The following IFT81 variants were observed in gnomAD, a reference collection of about 807,000 sequenced individuals.
The protein encoded by IFT81 is intraflagellar transport protein 81 homolog.
A neutral mutation model predicts 102.6 loss-of-function variants in IFT81; 72 were observed. That is an observed-to-expected ratio of 0.70 (90% CI 0.58 to 0.85). The LOEUF is 0.85. Ranked by LOEUF, IFT81 falls within the 40% of genes least tolerant of loss-of-function variation. The pLI is 0.00. For missense variants in IFT81, 723 were observed against 787.3 expected, an observed-to-expected ratio of 0.92 and a Z score of 0.98; for synonymous variants, 237 against 242.7, an observed-to-expected ratio of 0.98 and a Z score of 0.22.
chr12:110,152,137 T>C (rs1418257037), intron 10 of IFT81, among the ~76,000 whole-genome samples: 3 of 152,220 alleles, frequency 2.0e-5, no homozygotes, highest in Non-Finnish European at 4.4e-5. Context: ...ATCTCTTAAA[T>C]ATACTGATTT....
chr12:110,143,718 C>G (rs1242894237), intron 9 of IFT81, among the ~76,000 whole-genome samples, 173 bp downstream of exon 9: 2 of 152,070 alleles, frequency 1.3e-5, no homozygotes, highest in South Asian at 2.1e-4. Context: ...GAATGTTATG[C>G]TATTACTTAA....
At chr12:110,184,879 A>G (rs150445685) in intron 12 of IFT81, among the ~76,000 whole-genome samples, 18 of 152,176 alleles carry the variant, frequency 1.2e-4, no homozygotes, top group Non-Finnish European at 2.6e-4. Context: ...AAACATGATG[A>G]TGGACCCAGA....
chr12:110,190,964 C>T lies in IFT81; in HGVS notation c.1383C>T (p.Thr461=). 1.9e-6 allele frequency: 3 copies of T among 1,604,668 alleles called. No homozygotes were observed. Among genetic ancestry groups the T allele is most frequent in the Non-Finnish European group, 2.6e-6 (3 of 1,175,788 alleles). Reference sequence around the variant, plus strand: ...AGGGTATATCTGGATATAGTTACACCCAAGAAGAGCTAGAAAGAGTATCTG... The same window carrying T: ...AGGGTATATCTGGATATAGTTACACTCAAGAAGAGCTAGAAAGAGTATCTG... The part of the protein sequence containing the change: ...EKKGISGYSY[T]QEELERVSAL... The change falls in exon 13 of 19, where the codon ACC becomes ACT. Residue 461 remains threonine (T), a synonymous_variant. Coordinates refer to ENST00000242591, the MANE Select transcript of IFT81 (RefSeq NM_014055.4).
At chr12:110,125,233 A>T (rs563578435) in intron 1 of IFT81, among the ~76,000 whole-genome samples, 26 of 151,882 alleles carry the variant, frequency 1.7e-4, no homozygotes, top group African/African-American at 4.3e-4. Context: ...TATGGATTTT[A>T]AAAAAAAACT....
In IFT81 at chr12:110,153,400, A is replaced by G. The variant is rs574460386; in HGVS notation, c.1041+6352A>G. On this transcript the variant is annotated intron_variant, in intron 10 of 18. Coordinates refer to ENST00000242591, the MANE Select transcript of IFT81 (RefSeq NM_014055.4). ...CAGGCATGCACCACCATGCCAGCTA[A>G]TTTTTTATTTTTAGTAGACACAGGG... Among the ~76,000 whole-genome samples the G allele has an allele frequency of 8.9e-4, 134 of 149,876 alleles. 1 individual carries two copies. Among genetic ancestry groups the G allele is most frequent in the Non-Finnish European group, 4.0e-4 (27 of 67,470 alleles).
In IFT81 at chr12:110,136,745, A is replaced by G. The variant is rs747914892; in HGVS notation, c.697-31A>G. ...GTGAGAGGTAAGCTTCAGTAGACTA[A>G]GCAAGTAATCTATTTAATTGTATTT... On this transcript the variant is annotated intron_variant, in intron 7 of 18. Transcript: ENST00000242591. The G allele has an allele frequency of 4.3e-6, 6 of 1,382,948 alleles. No individual in the cohort carries two copies. In the East Asian group the frequency reaches 1.4e-4, roughly 32 times the overall value. The allele number at this position is 1,382,948 out of a possible 1,614,324, so 85.7% of individuals were successfully genotyped here.
intron 14 of IFT81, among the ~76,000 whole-genome samples, chr12:110,201,233 T>C (rs1274996059): frequency 6.6e-6 from 1 of 151,672 alleles, no homozygotes; most frequent in Admixed American, 6.6e-5. Context: ...TGAAACCTTG[T>C]CTCTACTAAA....
rs557973551 is a variant in IFT81, at chr12:110,172,302, GCCTCTGCCTCCTCTGCCT to G, written c.1189-8100_1189-8083del. On this transcript the variant is annotated intron_variant, in intron 11 of 18. Transcript: ENST00000242591. Reference sequence around the variant, plus strand: ...AAAATTTGCCTCTGCCTCTGCCTCTGCCTCTGCCTCCTCTGCCTCCTCTGCCTCCTCTGCCTCTGCCTC... The same window carrying G: ...AAAATTTGCCTCTGCCTCTGCCTCTGCCTCTGCCTCCTCTGCCTCTGCCTC... Among the ~76,000 whole-genome samples the G allele has an allele frequency of 5.9e-5, 9 of 151,734 alleles. 1 individual carries two copies. The South Asian group carries it at 1.7e-3, about 28-fold the overall frequency.
At chr12:110,177,987 C>T (rs913728312) in intron 11 of IFT81, among the ~76,000 whole-genome samples, 9 of 150,022 alleles carry the variant, frequency 6.0e-5, no homozygotes, top group Non-Finnish European at 8.9e-5. Flanking sequence ...CCCAGCTACC[C>T]GGGAGGCCGA....
intron 12 of IFT81, 51 bp from the exon 13 acceptor site, chr12:110,190,869 A>G: frequency 2.1e-6 from 3 of 1,441,128 alleles, no homozygotes; most frequent in Non-Finnish European, 2.7e-6. Flanking sequence ...TTCTTATGGG[A>G]GCCAGCAAGA....
At chr12:110,208,842 A>G (rs1869030525) in intron 17 of IFT81, among the ~76,000 whole-genome samples, 1 of 152,236 alleles carries the variant, frequency 6.6e-6, no homozygotes, top group Non-Finnish European at 1.5e-5. Context: ...TCCTTTCTAC[A>G]AACCTCTTCA....
chr12:110,149,503 C>T (rs1895402294), intron 10 of IFT81, among the ~76,000 whole-genome samples: 1 of 152,190 alleles, frequency 6.6e-6, no homozygotes, highest in Non-Finnish European at 1.5e-5. Context: ...ATCACAAGGA[C>T]AGAGGGCTTT....
intron 14 of IFT81, among the ~76,000 whole-genome samples, chr12:110,193,672 A>G (rs1897888794): frequency 6.6e-6 from 1 of 152,228 alleles, no homozygotes; most frequent in South Asian, 2.1e-4. Flanking sequence ...GACACTTTCA[A>G]AGAGCAGGAA....
intron 10 of IFT81, among the ~76,000 whole-genome samples, chr12:110,147,459 A>G (rs1471614544): frequency 1.3e-5 from 2 of 152,314 alleles, no homozygotes; most frequent in East Asian, 3.9e-4. Context: ...TTAGTGCTAA[A>G]GCATTTATTA....
In IFT81 at chr12:110,134,970, A is replaced by T; in HGVS notation, c.542A>T (p.Glu181Val). Residue 181 changes from glutamate (E) to valine (V), a missense_variant, in exon 6 of 19, where the codon GAA becomes GTA. Physicochemically the swap from Glu to Val is moderately radical, Grantham distance 121. Transcript: ENST00000242591. ...TAGGATATCAGTGCAATGGAAGAAG[A>T]AAAGGATCAGCTCATTAAGAGAGTT... ...IRKDISAMEE[E>V]KDQLIKRVEH... The T allele has an allele frequency of 6.2e-7, 1 of 1,611,370 alleles. No individual in the cohort carries two copies. The highest frequency in any genetic ancestry group is 2.2e-5 in the East Asian group (1 of 44,826).
At chr12:110,206,788 G>GT (rs890697427) in intron 17 of IFT81, among the ~76,000 whole-genome samples, 13 of 151,764 alleles carry the variant, frequency 8.6e-5, no homozygotes, top group Admixed American at 5.9e-4. Context: ...ATAGAGCAGT[G>GT]TTTTTTCTAA....
Position 110,183,010 on chromosome 12 carries a change from C to T in IFT81, c.1338+2439C>T, listed in dbSNP as rs113160519. On this transcript the variant is annotated intron_variant, in intron 12 of 18. Transcript: ENST00000242591. ...ACTCATTTTCATAGGCCATCCAGTT[C>T]CAACTGGGGCCTTACGTTTAAGACA... Among the ~76,000 whole-genome samples, 308 of 152,322 alleles carry T rather than the reference C, an allele frequency of 2.0e-3. 3 individuals are homozygous for T. The highest frequency in any genetic ancestry group is 7.0e-3 in the African/African-American group (292 of 41,564).
chr12:110,134,214 A>G (rs1288270830), intron 5 of IFT81, among the ~76,000 whole-genome samples: 1 of 152,084 alleles, frequency 6.6e-6, no homozygotes, highest in Non-Finnish European at 1.5e-5. Context: ...TGGCCAGGCT[A>G]TATTTTAAGA....
intron 18 of IFT81, among the ~76,000 whole-genome samples, chr12:110,214,685 C>A (rs1169180941): frequency 6.6e-6 from 1 of 152,166 alleles, no homozygotes; most frequent in African/African-American, 2.4e-5. Flanking sequence ...TTCAAACACA[C>A]ATGGTTATGA....
Sources: gnomAD v4.1 joint callset for allele counts (sites outside exome capture counted in the v4.1 genomes callset) on GRCh38, gnomAD v4.1.1 for gene constraint, MANE v1.5 for transcripts, NCBI Gene and HGNC (gene_info 2026-07-23, HGNC 2026-07-21) for gene names.